Variants in STK24 observed in about 807,000 individuals in gnomAD.
STK24 encodes serine/threonine-protein kinase 24.
Under a neutral mutation model 55.6 loss-of-function variants are expected in STK24, and 21 were observed. The ratio of observed to expected loss-of-function variants is 0.38; its 90% CI spans 0.27 to 0.54. STK24 has a LOEUF of 0.54. Among genes scored for constraint, STK24 ranks in the 20% least tolerant of loss-of-function variants. STK24 has a pLI of 0.79. For synonymous variants in STK24, 200 were observed against 215.2 expected (o/e 0.93, Z 0.62); for missense variants, 383 against 538.4 (o/e 0.71, Z 2.86).
At chr13:98,453,344 G>T in intron 10 of STK24, 135 bp from the exon 11 acceptor site, 1 of 844,240 alleles carries the variant, frequency 1.2e-6, no homozygotes, top group Non-Finnish European at 1.9e-6. Flanking sequence ...AAATATCAAT[G>T]TGTAAGTCTA....
At chr13:98,481,058 G>A (rs1223304095) in intron 3 of STK24, among the ~76,000 whole-genome samples, 1 of 152,182 alleles carries the variant, frequency 6.6e-6, no homozygotes, top group Middle Eastern at 3.2e-3. Context: ...GACAGATCTG[G>A]CCTATCTTGA....
At chr13:98,574,451 T>A (rs185233130) in intron 1 of STK24, among the ~76,000 whole-genome samples, 1 of 152,318 alleles carries the variant, frequency 6.6e-6, no homozygotes, top group East Asian at 1.9e-4. Flanking sequence ...TAATTGAATC[T>A]TCAGCAACAA....
intron 1 of STK24, among the ~76,000 whole-genome samples, chr13:98,559,002 TAAAAAAA>T (rs60756124): frequency 4.6e-5 from 2 of 43,024 alleles, no homozygotes; most frequent in Non-Finnish European, 7.8e-5. Context: ...CTGTCTCTAC[TAAAAAAA>T]AAAAAAAAAA....
intron 3 of STK24, among the ~76,000 whole-genome samples, chr13:98,476,650 C>T (rs1243811082): frequency 2.6e-5 from 4 of 152,234 alleles, no homozygotes; most frequent in African/African-American, 7.2e-5. Flanking sequence ...GTTCCACATC[C>T]GGAAGTACTT....
chr13:98,565,653 T>C (rs1897547449), intron 1 of STK24, among the ~76,000 whole-genome samples: 1 of 146,672 alleles, frequency 6.8e-6, no homozygotes. Flanking sequence ...AAAAAAATTA[T>C]ATTCGATTAG....
At chr13:98,521,589 T>G (rs754119526) in intron 1 of STK24, among the ~76,000 whole-genome samples, 2 of 152,042 alleles carry the variant, frequency 1.3e-5, no homozygotes, top group African/African-American at 4.8e-5. Context: ...CCCGGGTGGG[T>G]ACCTCCCACC....
At chr13:98,486,252 TCA>T (rs1862898736) in intron 2 of STK24, among the ~76,000 whole-genome samples, 1 of 150,256 alleles carries the variant, frequency 6.7e-6, no homozygotes, top group Admixed American at 6.6e-5. Context: ...AGGCCGGGTC[TCA>T]GTCTTCTGGT....
intron 1 of STK24, among the ~76,000 whole-genome samples, chr13:98,563,207 C>G (rs1218082955): frequency 6.6e-6 from 1 of 152,192 alleles, no homozygotes; most frequent in Admixed American, 6.5e-5. Flanking sequence ...ACATCCAAGG[C>G]TAGCACCGAT....
At chr13:98,543,083 G>C in intron 1 of STK24, 3 of 938,102 alleles carry the variant, frequency 3.2e-6, no homozygotes, top group Non-Finnish European at 3.8e-6. Context: ...GGGGGGAGAG[G>C]CCGCAGCTCC....
chr13:98,474,796 GGC>G, intron 5 of STK24, 23 bp downstream of exon 5: 4 of 1,578,692 alleles, frequency 2.5e-6, no homozygotes, highest in Non-Finnish European at 1.7e-6. Flanking sequence ...CGTGAGGCAC[GGC>G]GCCGCCCTCA....
intron 3 of STK24, among the ~76,000 whole-genome samples, chr13:98,480,390 GTA>G (rs1894537353): frequency 6.6e-6 from 1 of 152,146 alleles, no homozygotes. Flanking sequence ...TTAGATAATA[GTA>G]AATCTAATTA....
At chr13:98,499,033 G>C (rs1010212006) in intron 2 of STK24, among the ~76,000 whole-genome samples, 2 of 152,158 alleles carry the variant, frequency 1.3e-5, no homozygotes, top group African/African-American at 2.4e-5. Context: ...GATCACTTGA[G>C]GTCAGGCGCT....
rs1345589638 is a variant in STK24 at position 98,569,913 on chromosome 13, G to C, written c.42+6832C>G. On this transcript the variant is annotated intron_variant, in intron 1 of 10. Transcript: ENST00000539966. ...TTTTTTTGAGATGGAGTTTCACTCTGTCACCTAGGCTGGAGTGCAGTGGCA... is the reference window on the plus strand; with the variant it reads ...TTTTTTTGAGATGGAGTTTCACTCTCTCACCTAGGCTGGAGTGCAGTGGCA... Among the ~76,000 whole-genome samples, 8 of 145,484 alleles carry C rather than the reference G, an allele frequency of 5.5e-5. No homozygotes were observed. The South Asian group carries it at 1.5e-3, about 27-fold the overall frequency.
At chr13:98,504,199 G>A (rs1354702836) in intron 2 of STK24, among the ~76,000 whole-genome samples, 12 of 145,218 alleles carry the variant, frequency 8.3e-5, no homozygotes, top group African/African-American at 2.9e-4. Flanking sequence ...TAACTTAACT[G>A]AAGACAAAAA....
At chr13:98,473,778 G>C (rs1449533144) in intron 5 of STK24, among the ~76,000 whole-genome samples, 1 of 152,216 alleles carries the variant, frequency 6.6e-6, no homozygotes, top group African/African-American at 2.4e-5. Flanking sequence ...CTCCTCCCAA[G>C]GTGGAACCAG....
chr13:98,504,629 G>A (rs1895617587), intron 2 of STK24, among the ~76,000 whole-genome samples: 1 of 152,250 alleles, frequency 6.6e-6, no homozygotes, highest in East Asian at 1.9e-4. Context: ...CAGACACAAA[G>A]CTGTGGAGTC....
intron 2 of STK24, among the ~76,000 whole-genome samples, chr13:98,488,300 G>A (rs1650493010): frequency 6.6e-6 from 1 of 151,990 alleles, no homozygotes; most frequent in Admixed American, 6.6e-5. Context: ...ATCTTTCCAG[G>A]TTTATTAGCA....
intron 5 of STK24, among the ~76,000 whole-genome samples, chr13:98,466,763 C>T (rs1349944077): frequency 6.6e-6 from 1 of 152,202 alleles, no homozygotes; most frequent in Non-Finnish European, 1.5e-5. Flanking sequence ...TGTTTTCTGC[C>T]TCTACATGGA....
chr13:98,568,829 A>G (rs903479943), intron 1 of STK24, among the ~76,000 whole-genome samples: 3 of 152,198 alleles, frequency 2.0e-5, no homozygotes, highest in African/African-American at 4.8e-5. Flanking sequence ...AGATCACGCC[A>G]TTGCACTCCA....
Sources: gnomAD v4.1 joint callset for allele counts (sites outside exome capture counted in the v4.1 genomes callset) on GRCh38, gnomAD v4.1.1 for gene constraint, MANE v1.5 for transcripts, NCBI Gene and HGNC (gene_info 2026-07-23, HGNC 2026-07-21) for gene names.